The following SMPD3 variants were observed in gnomAD, a reference collection of about 807,000 sequenced individuals.
The protein encoded by SMPD3 is sphingomyelin phosphodiesterase 3.
In SMPD3, 21 loss-of-function variants were observed where a neutral mutation model predicts 55.7. The observed-to-expected ratio is 0.38, with a 90% CI of 0.27 to 0.54. SMPD3 has a LOEUF of 0.54. SMPD3 is among the 20% of genes least tolerant of loss of function. The probability of loss-of-function intolerance (pLI) is 0.80; values close to 1 mark genes in which losing one functional copy is unlikely to be tolerated. For synonymous variants in SMPD3, 457 were observed against 404.3 expected (o/e 1.13, Z -1.56); for missense variants, 842 against 899.6 (o/e 0.94, Z 0.82).
intron 1 of SMPD3, among the ~76,000 whole-genome samples, chr16:68,423,142 G>A (rs1328796199): frequency 6.6e-6 from 1 of 152,202 alleles, no homozygotes; most frequent in Non-Finnish European, 1.5e-5. Context: ...TAGCATCAGA[G>A]TCAGGATTTT....
rs1042602779 is a variant in SMPD3, at chr16:68,360,479, C to G, written c.*727G>C. ...GTTGTGCCTGAGCTGGGGAAGGGAC[C>G]CTGTCTCGGGAAGAGCAAAGTTCTA... is the stretch of plus-strand genomic sequence containing the variant. On this transcript the variant is annotated 3_prime_UTR_variant, in exon 9 of 9. Transcript: ENST00000219334. 2 of 152,478 alleles carry G rather than the reference C, an allele frequency of 1.3e-5. No individual in the cohort carries two copies. Among genetic ancestry groups the G allele is most frequent in the African/African-American group, 4.8e-5 (2 of 41,458 alleles). 9.4% of individuals were successfully genotyped at this position (152,478 alleles called of 1,614,324 possible). A position where few individuals can be genotyped will look rare whatever the true frequency, so the allele number is the denominator to read the frequency against.
chr16:68,365,298 T>C (rs576907431), intron 3 of SMPD3, among the ~76,000 whole-genome samples: 32 of 152,244 alleles, frequency 2.1e-4, no homozygotes, highest in African/African-American at 7.7e-4. Flanking sequence ...AAAGAAACTA[T>C]TGGCCTGTGG....
intron 1 of SMPD3, among the ~76,000 whole-genome samples, chr16:68,421,277 C>T (rs1362425648): frequency 1.3e-5 from 2 of 152,240 alleles, no homozygotes; most frequent in African/African-American, 4.8e-5. Flanking sequence ...TCTGCCCTCG[C>T]ACATCTGCCA....
intron 3 of SMPD3, among the ~76,000 whole-genome samples, chr16:68,366,179 G>A (rs1290092053): frequency 1.3e-5 from 2 of 152,258 alleles, no homozygotes; most frequent in Non-Finnish European, 2.9e-5. Flanking sequence ...GGGCCGCAGG[G>A]TGGGTGCCCC....
intron 1 of SMPD3, among the ~76,000 whole-genome samples, chr16:68,445,820 C>CAGT (rs2090605033): frequency 6.6e-6 from 1 of 152,216 alleles, no homozygotes; most frequent in Non-Finnish European, 1.5e-5. Context: ...CAAAGCTGCA[C>CAGT]AGTACCTTTG....
At position 68,371,485 on chromosome 16, in the gene SMPD3, G is replaced by C; in HGVS notation, c.697C>G (p.Pro233Ala). The change falls in exon 3 of 9, where the codon CCT (proline) becomes GCT (alanine). Residue 233 changes from proline to alanine, a missense_variant. Coordinates refer to ENST00000219334, the MANE Select transcript of SMPD3 (RefSeq NM_018667.4). ...EAANGPASGDPVDSSSPEDAC... is the reference protein window; with the variant it reads ...EAANGPASGDAVDSSSPEDAC... ...TCCTCCGGGCTGCTGCTGTCGACAG[G>C]GTCCCCAGAGGCTGGGCCGTTGGCA... 6.3e-7 allele frequency: 1 copy of C among 1,598,836 alleles called. No homozygotes were observed. Among genetic ancestry groups the C allele is most frequent in the Non-Finnish European group, 8.5e-7 (1 of 1,179,538 alleles).
At chr16:68,446,666 C>A (rs757007343) in intron 1 of SMPD3, among the ~76,000 whole-genome samples, 2 of 152,206 alleles carry the variant, frequency 1.3e-5, no homozygotes, top group Non-Finnish European at 2.9e-5. Context: ...CACATCCCCT[C>A]CCCAGAACCA....
intron 1 of SMPD3, among the ~76,000 whole-genome samples, chr16:68,427,510 G>A (rs2090445403): frequency 6.6e-6 from 1 of 152,176 alleles, no homozygotes; most frequent in Non-Finnish European, 1.5e-5. Context: ...TGTCCAATAT[G>A]GTAGCCTGTA....
rs200381195 is a variant in SMPD3, at chr16:68,406,543, C to T, written c.-268-19884G>A. 6.6e-5 allele frequency among the ~76,000 whole-genome samples: 10 copies of T among 152,146 alleles called. No individual in the cohort carries two copies. In the East Asian group the frequency reaches 7.7e-4, roughly 12 times the overall value. On this transcript the variant is annotated intron_variant, in intron 1 of 8. Coordinates refer to ENST00000219334, the MANE Select transcript of SMPD3 (RefSeq NM_018667.4). The stretch of plus-strand genomic sequence containing the variant: ...GAGGGAAGCCTGTCGCCCTCGGTAG[C>T]GGCAGGTCCAGCTGAGGATTGCTGC...
At chr16:68,427,485 G>A (rs2090445150) in intron 1 of SMPD3, among the ~76,000 whole-genome samples, 1 of 152,236 alleles carries the variant, frequency 6.6e-6, no homozygotes, top group African/African-American at 2.4e-5. Context: ...TGATGGAAAT[G>A]TTTTGTTTCG....
At chr16:68,433,093 C>A (rs1170546371) in intron 1 of SMPD3, among the ~76,000 whole-genome samples, 1 of 152,170 alleles carries the variant, frequency 6.6e-6, no homozygotes, top group Non-Finnish European at 1.5e-5. Context: ...CATGAGCCAC[C>A]ATGCCCGGCT....
intron 2 of SMPD3, among the ~76,000 whole-genome samples, chr16:68,384,464 C>T (rs959987997): frequency 6.6e-6 from 1 of 152,186 alleles, no homozygotes; most frequent in Non-Finnish European, 1.5e-5. Context: ...GTAACCAGCC[C>T]CTGATAGATC....
chr16:68,408,969 C>T (rs1013906422), intron 1 of SMPD3, among the ~76,000 whole-genome samples: 5 of 152,130 alleles, frequency 3.3e-5, no homozygotes, highest in Non-Finnish European at 7.3e-5. Flanking sequence ...CACTCCCCAC[C>T]GCTATGGAGT....
At position 68,364,851 on chromosome 16, in the gene SMPD3, A is replaced by G. The variant is rs984747594; in HGVS notation, c.1455T>C (p.Asp485=). ...TGGACGAGGAGGTAGATTTTCGGAAATCAGCCAGCCAGTCCTGAAGCAGGT... is the reference window on the plus strand; with the variant it reads ...TGGACGAGGAGGTAGATTTTCGGAAGTCAGCCAGCCAGTCCTGAAGCAGGT... The part of the protein sequence containing the change: ...QLDLLQDWLA[D]FRKSTSSSSA... The change falls in exon 5 of 9, where the codon GAT becomes GAC. Residue 485 remains aspartate (D), a synonymous_variant. Transcript: ENST00000219334. 1.2e-6 allele frequency: 2 copies of G among 1,613,836 alleles called. No homozygotes were observed. The highest frequency in any genetic ancestry group is 1.7e-6 in the Non-Finnish European group (2 of 1,179,998).
intron 2 of SMPD3, among the ~76,000 whole-genome samples, chr16:68,382,641 T>C (rs1325156505): frequency 6.6e-6 from 1 of 151,712 alleles, no homozygotes; most frequent in Non-Finnish European, 1.5e-5. Context: ...GAACTGAGAG[T>C]GGACTCAGGG....
chr16:68,390,819 C>T (rs1194621191), intron 1 of SMPD3, among the ~76,000 whole-genome samples: 1 of 152,156 alleles, frequency 6.6e-6, no homozygotes, highest in East Asian at 1.9e-4. Context: ...GTTGGACAGG[C>T]ATGGTCAGGC....
At chr16:68,406,926 A>G (rs1293228419) in intron 1 of SMPD3, among the ~76,000 whole-genome samples, 1 of 152,154 alleles carries the variant, frequency 6.6e-6, no homozygotes, top group South Asian at 2.1e-4. Context: ...ACATCGGGGC[A>G]TGGGGGTAGG....
At chr16:68,399,190 G>C (rs990255935) in intron 1 of SMPD3, among the ~76,000 whole-genome samples, 1 of 152,140 alleles carries the variant, frequency 6.6e-6, no homozygotes, top group Non-Finnish European at 1.5e-5. Context: ...GTGGGCTTGG[G>C]GGGAGGTCAC....
chr16:68,397,733 C>T (rs1018887898), intron 1 of SMPD3, among the ~76,000 whole-genome samples: 8 of 152,196 alleles, frequency 5.3e-5, no homozygotes, highest in Non-Finnish European at 8.8e-5. Flanking sequence ...CCACGCCTTG[C>T]TTGGTCAGCT....
Sources: allele counts gnomAD v4.1 joint callset (sites outside exome capture counted in the v4.1 genomes callset), GRCh38; gene constraint gnomAD v4.1.1; transcripts MANE v1.5; gene names NCBI Gene and HGNC (gene_info 2026-07-23, HGNC 2026-07-21).